The following RPTOR variants were observed in gnomAD, a reference collection of about 807,000 sequenced individuals.
RPTOR encodes regulatory-associated protein of mTOR.
RPTOR carries 21 observed loss-of-function variants against 169.9 expected under a neutral mutation model. The observed-to-expected ratio is 0.12, with a 90% CI of 0.09 to 0.18. The LOEUF is 0.18. Ranked by LOEUF, RPTOR falls within the 10% of genes least tolerant of loss-of-function variation. RPTOR has a pLI of 1.00. For synonymous variants in RPTOR, 732 were observed against 753.2 expected (o/e 0.97, Z 0.46); for missense variants, 1,133 against 1,855.9 (o/e 0.61, Z 7.16).
intron 20 of RPTOR, among the ~76,000 whole-genome samples, chr17:80,902,398 C>T (rs2068487637): frequency 6.6e-6 from 1 of 152,246 alleles, no homozygotes; most frequent in Non-Finnish European, 1.5e-5. Flanking sequence ...CCTCTGCCAT[C>T]CGTGCAGCTC....
intron 3 of RPTOR, among the ~76,000 whole-genome samples, chr17:80,644,648 A>C (rs1180425265): frequency 6.6e-6 from 1 of 152,200 alleles, no homozygotes; most frequent in East Asian, 1.9e-4. Flanking sequence ...ATGAAAACAC[A>C]TGATTTATGG....
intron 1 of RPTOR, among the ~76,000 whole-genome samples, chr17:80,607,289 C>A (rs2065236255): frequency 6.6e-6 from 1 of 152,204 alleles, no homozygotes; most frequent in Non-Finnish European, 1.5e-5. Flanking sequence ...TAGCTGTTGG[C>A]AGTACCAGAT....
chr17:80,757,710 C>T (rs2066694795), intron 6 of RPTOR, among the ~76,000 whole-genome samples: 1 of 152,048 alleles, frequency 6.6e-6, no homozygotes, highest in Admixed American at 6.5e-5. Context: ...TCACCTGAAA[C>T]ATTTATCTTT....
Position 80,857,362 on chromosome 17 carries a change from TGTCACGGAGAGGTGGCCATGCC to T in RPTOR, c.1399-410_1399-389del, listed in dbSNP as rs879622158. Among the ~76,000 whole-genome samples the T allele has an allele frequency of 4.3e-3, 654 of 152,028 alleles. 4 individuals are homozygous for T. The highest frequency in any genetic ancestry group is 6.2e-3 in the Non-Finnish European group (423 of 67,944). On this transcript the variant is annotated intron_variant, in intron 12 of 33. Transcript: ENST00000306801. ...TGCCGTCACGGAGAGGTGGCCGTGG[TGTCACGGAGAGGTGGCCATGCC>T]GTCACGGAGAGGTGGCCGTGCCGTC...
At position 80,709,788 on chromosome 17, in the gene RPTOR, G is replaced by T. The variant is rs947078295; in HGVS notation, c.507+1789G>T. Among the ~76,000 whole-genome samples, 4 of 152,224 alleles carry T rather than the reference G, an allele frequency of 2.6e-5. No individual in the cohort carries two copies. In the East Asian group the frequency reaches 5.8e-4, roughly 22 times the overall value. ...AAGATCGCGCACCCTGTGTCCGCCCGCCGGCTCCCTGCTGCTCAAAGCGCC... is the reference window on the plus strand; with the variant it reads ...AAGATCGCGCACCCTGTGTCCGCCCTCCGGCTCCCTGCTGCTCAAAGCGCC... On this transcript the variant is annotated intron_variant, in intron 4 of 33. Coordinates refer to ENST00000306801, the MANE Select transcript of RPTOR (RefSeq NM_020761.3).
chr17:80,643,935 C>T, intron 3 of RPTOR, 125 bp downstream of exon 3: 1 of 710,694 alleles, frequency 1.4e-6, no homozygotes. Context: ...GGCATGGCGC[C>T]TGCGCACTGC....
intron 24 of RPTOR, among the ~76,000 whole-genome samples, chr17:80,930,173 GCCCAGC>G (rs2068861630): frequency 2.4e-4 from 2 of 8,454 alleles, no homozygotes; most frequent in Admixed American, 1.0e-3. Context: ...CCCAGCTCAT[GCCCAGC>G]TCATCCCCAG....
At chr17:80,649,698 A>G (rs1355129821) in intron 3 of RPTOR, among the ~76,000 whole-genome samples, 1 of 135,324 alleles carries the variant, frequency 7.4e-6, no homozygotes, top group Non-Finnish European at 1.6e-5. Flanking sequence ...CTTACTGCCC[A>G]GAAAGTTAAG....
At chr17:80,784,890 TTTTG>T (rs1302196637) in intron 6 of RPTOR, among the ~76,000 whole-genome samples, 1 of 151,884 alleles carries the variant, frequency 6.6e-6, no homozygotes, top group African/African-American at 2.4e-5. Context: ...GTTGTTGTTG[TTTTG>T]TTTGTTTATT....
chr17:80,580,056 C>T (rs2065001360), intron 1 of RPTOR, among the ~76,000 whole-genome samples: 1 of 152,196 alleles, frequency 6.6e-6, no homozygotes, highest in African/African-American at 2.4e-5. Flanking sequence ...GCAATCATGG[C>T]TTCCTCACGG....
intron 3 of RPTOR, among the ~76,000 whole-genome samples, chr17:80,683,217 C>G (rs530319818): frequency 2.0e-5 from 3 of 152,294 alleles, no homozygotes; most frequent in African/African-American, 7.2e-5. Flanking sequence ...TCCTCCTCAG[C>G]TTTGCTTTCT....
chr17:80,920,435 T>C (rs2068731371), intron 21 of RPTOR, among the ~76,000 whole-genome samples: 1 of 152,190 alleles, frequency 6.6e-6, no homozygotes, highest in African/African-American at 2.4e-5. Flanking sequence ...ATTAGTTTTG[T>C]GACAGCAGCC....
In RPTOR at chr17:80,936,248, G is replaced by A. The variant is rs2068953710; in HGVS notation, c.2920-4248G>A. Among the ~76,000 whole-genome samples the A allele has an allele frequency of 6.6e-6, 1 of 152,180 alleles. No homozygotes were observed. Among genetic ancestry groups the A allele is most frequent in the Non-Finnish European group, 1.5e-5 (1 of 68,032 alleles). On this transcript the variant is annotated intron_variant, in intron 24 of 33. Coordinates refer to ENST00000306801, the MANE Select transcript of RPTOR (RefSeq NM_020761.3). The surrounding 1 kb of genome is among the most constrained non-coding windows in gnomAD (Gnocchi z 4.1). ...GGAGCATCTGAAACCCTCATTCTTG[G>A]CTACTGCAACTACAAGATGCTACAG...
chr17:80,841,184 TCA>T, intron 10 of RPTOR, among the ~76,000 whole-genome samples: 1 of 118,338 alleles, frequency 8.5e-6, no homozygotes, highest in African/African-American at 4.0e-5. Context: ...GCACGGCAGC[TCA>T]CACTCACCGC....
intron 5 of RPTOR, among the ~76,000 whole-genome samples, chr17:80,736,508 G>A (rs141412720): frequency 5.3e-5 from 8 of 152,222 alleles, no homozygotes; most frequent in African/African-American, 1.2e-4. Flanking sequence ...ACTGATCCCC[G>A]TAGCTAAATT....
At chr17:80,956,220 A>G (rs1029107830) in intron 28 of RPTOR, among the ~76,000 whole-genome samples, 7 of 108,434 alleles carry the variant, frequency 6.5e-5, no homozygotes, top group Non-Finnish European at 1.1e-4. Context: ...ATGCTTCTCT[A>G]TGAAAAAAAA....
chr17:80,938,913 G>A (rs1259588325), intron 24 of RPTOR, among the ~76,000 whole-genome samples: 1 of 152,134 alleles, frequency 6.6e-6, no homozygotes, highest in Non-Finnish European at 1.5e-5. Flanking sequence ...CACCTACAAC[G>A]ACCGCCTAAA....
At chr17:80,675,419 C>T (rs565545422) in intron 3 of RPTOR, among the ~76,000 whole-genome samples, 1 of 152,208 alleles carries the variant, frequency 6.6e-6, no homozygotes, top group African/African-American at 2.4e-5. Flanking sequence ...GGCCAGCCAT[C>T]CCTCCTCTCT....
At chr17:80,809,335 G>C (rs1406100871) in intron 7 of RPTOR, among the ~76,000 whole-genome samples, 1 of 152,130 alleles carries the variant, frequency 6.6e-6, no homozygotes, top group Non-Finnish European at 1.5e-5. Flanking sequence ...GGGATTACAG[G>C]CGGGCGCCAC....
Sources: allele counts gnomAD v4.1 joint callset (sites outside exome capture counted in the v4.1 genomes callset), GRCh38; gene constraint gnomAD v4.1.1; non-coding constraint Gnocchi (gnomAD v3.1); transcripts MANE v1.5; gene names NCBI Gene and HGNC (gene_info 2026-07-23, HGNC 2026-07-21).